The following SLC7A1 variants were observed in gnomAD, a reference collection of about 807,000 sequenced individuals.
SLC7A1 encodes solute carrier family 7 member 1.
A neutral mutation model predicts 53.9 loss-of-function variants in SLC7A1; 10 were observed. That is an observed-to-expected ratio of 0.19 (90% CI 0.11 to 0.31). The LOEUF (loss-of-function observed/expected upper bound fraction) is 0.31, where lower values mean the gene tolerates loss of function less well. SLC7A1 is among the 10% of genes least tolerant of loss of function. The pLI is 1.00. For synonymous variants in SLC7A1, 342 were observed against 338.7 expected, an observed-to-expected ratio of 1.01 and a Z score of -0.11; for missense variants, 525 against 827.2, an observed-to-expected ratio of 0.63 and a Z score of 4.48.
rs894320699 is a variant in SLC7A1 at position 29,511,132 on chromosome 13, C to G, written c.*3348G>C. 3.3e-5 allele frequency: 5 copies of G among 152,332 alleles called. No individual in the cohort carries two copies. The highest frequency in any genetic ancestry group is 2.6e-4 in the Admixed American group (4 of 15,292). The allele number at this position is 152,332 out of a possible 1,614,324, so 9.4% of individuals were successfully genotyped here. On this transcript the variant is annotated 3_prime_UTR_variant, in exon 13 of 13. Transcript: ENST00000380752. ...GTGAGCGGGCCATGCACCCTTCCAG[C>G]TGTGCACAGGGATGTGCTGAAGGTG...
At chr13:29,550,440 G>A (rs1344102252) in intron 2 of SLC7A1, among the ~76,000 whole-genome samples, 1 of 152,258 alleles carries the variant, frequency 6.6e-6, no homozygotes, top group Admixed American at 6.5e-5. Context: ...AAGGATTAAG[G>A]AAAGGTGACC....
intron 1 of SLC7A1, among the ~76,000 whole-genome samples, chr13:29,588,915 C>CG (rs1871995822): frequency 6.6e-5 from 10 of 152,350 alleles, no homozygotes; most frequent in African/African-American, 2.4e-4. Context: ...ACTCTAACTG[C>CG]CAGTCTTTCC....
At chr13:29,589,060 AC>A (rs1313106973) in intron 1 of SLC7A1, among the ~76,000 whole-genome samples, 1 of 152,154 alleles carries the variant, frequency 6.6e-6, no homozygotes, top group Non-Finnish European at 1.5e-5. Context: ...CTCCCAAGTC[AC>A]TTTGGGGAAG....
At position 29,553,460 on chromosome 13, in the gene SLC7A1, G is replaced by A. The variant is rs1357185257; in HGVS notation, c.-15+301C>T. Among the ~76,000 whole-genome samples the A allele has an allele frequency of 3.3e-5, 5 of 152,084 alleles. No homozygotes were observed. In the East Asian group the frequency reaches 5.9e-4, roughly 18 times the overall value. On this transcript the variant is annotated intron_variant, in intron 2 of 12. Transcript: ENST00000380752. ...ACCCTGGTGACCAGGCCTCAGGGAC[G>A]GAAGGCCTGGCCAGCCGTAGGATAT...
At chr13:29,525,626 T>G (rs556019372) in intron 5 of SLC7A1, among the ~76,000 whole-genome samples, 1 of 152,288 alleles carries the variant, frequency 6.6e-6, no homozygotes, top group East Asian at 1.9e-4. Context: ...TCATCACAGC[T>G]CTCAGTTACA....
chr13:29,566,386 C>G (rs1303172325), intron 1 of SLC7A1, among the ~76,000 whole-genome samples: 1 of 152,188 alleles, frequency 6.6e-6, no homozygotes, highest in Non-Finnish European at 1.5e-5. Context: ...CGTCCATCGA[C>G]TGCTGAATGG....
At position 29,589,839 on chromosome 13, in the gene SLC7A1, T is replaced by C. The variant is rs189750987; in HGVS notation, c.-115+5577A>G. ...CACTCTGCCACTGACTGCCTACCTGTGTGCCCGTGGGCCACCTGCCTTCCC... is the reference window on the plus strand; with the variant it reads ...CACTCTGCCACTGACTGCCTACCTGCGTGCCCGTGGGCCACCTGCCTTCCC... On this transcript the variant is annotated intron_variant, in intron 1 of 12. Transcript: ENST00000380752. 1.3e-4 allele frequency among the ~76,000 whole-genome samples: 20 copies of C among 152,296 alleles called. No individual in the cohort carries two copies. The East Asian group carries it at 3.9e-3, about 29-fold the overall frequency.
chr13:29,528,098 G>A (rs1479943345), intron 5 of SLC7A1, among the ~76,000 whole-genome samples: 2 of 152,352 alleles, frequency 1.3e-5, no homozygotes, highest in South Asian at 4.1e-4. Flanking sequence ...TGGAGAAGCC[G>A]CCTTCAGCCC....
Position 29,517,261 on chromosome 13 carries a change from A to G in SLC7A1, c.1560T>C (p.Ala520=). The G allele has an allele frequency of 1.9e-6, 3 of 1,613,452 alleles. No homozygotes were observed. Among genetic ancestry groups the G allele is most frequent in the Non-Finnish European group, 2.5e-6 (3 of 1,179,776 alleles). ...FCIVTVLGRE[A]LTKGALWAVF... ...CTGCCCACAGCGCCCCTTTGGTGAGAGCCTCCCTTCCAAGCACGGTCACAA... is the reference window on the plus strand; with the variant it reads ...CTGCCCACAGCGCCCCTTTGGTGAGGGCCTCCCTTCCAAGCACGGTCACAA... Residue 520 remains alanine, a synonymous_variant, in exon 11 of 13, where the codon GCT becomes GCC. Transcript: ENST00000380752.
At chr13:29,521,417 T>C (rs1245777384) in intron 8 of SLC7A1, among the ~76,000 whole-genome samples, 1 of 152,202 alleles carries the variant, frequency 6.6e-6, no homozygotes, top group African/African-American at 2.4e-5. Flanking sequence ...CTGCTCAGAC[T>C]CTGGAAGGAG....
chr13:29,535,715 T>G (rs370494916), intron 3 of SLC7A1, 104 bp downstream of exon 3: 22 of 1,130,950 alleles, frequency 1.9e-5, no homozygotes, highest in East Asian at 4.7e-5. Context: ...GTGCCTCTCG[T>G]GTTAACAAGA....
At position 29,530,556 on chromosome 13, in the gene SLC7A1, C is replaced by A; in HGVS notation, c.686G>T (p.Gly229Val). The change falls in exon 5 of 13, where the codon GGC (glycine) becomes GTC (valine). Residue 229 changes from glycine (G) to valine (V), a missense_variant. Transcript: ENST00000380752. ...AACTCACTTGTTCAAACAGAGACGG[C>A]CTGATGTGTTCCCAAAATCCTCCTC... ...LTEEDFGNTS[G>V]RLCLNNDTKE... The A allele has an allele frequency of 6.2e-7, 1 of 1,614,070 alleles. No individual in the cohort carries two copies. The highest frequency in any genetic ancestry group is 1.1e-5 in the South Asian group (1 of 91,068).
intron 1 of SLC7A1, among the ~76,000 whole-genome samples, chr13:29,561,738 A>G (rs1420969622): frequency 1.3e-5 from 2 of 152,186 alleles, no homozygotes; most frequent in Non-Finnish European, 2.9e-5. Context: ...GGCATCACCG[A>G]AGAATCCAGA....
intron 2 of SLC7A1, among the ~76,000 whole-genome samples, chr13:29,537,489 G>A (rs1171177116): frequency 3.3e-5 from 5 of 152,180 alleles, no homozygotes; most frequent in African/African-American, 1.2e-4. Context: ...GATCCTATAT[G>A]GGATCCTGGG....
intron 4 of SLC7A1, 37 bp downstream of exon 4, chr13:29,532,787 C>T (rs950995796): frequency 2.5e-5 from 39 of 1,556,496 alleles, no homozygotes; most frequent in African/African-American, 4.1e-5. Flanking sequence ...CTTTGCCCAT[C>T]ACTCTGACCC....
At chr13:29,533,034 G>T in intron 3 of SLC7A1, 52 bp from the exon 4 acceptor site, 1 of 1,532,682 alleles carries the variant, frequency 6.5e-7, no homozygotes, top group Non-Finnish European at 8.8e-7. Context: ...TGTTAGCCAG[G>T]TATTTGTAGT....
Position 29,570,835 on chromosome 13 carries a change from G to A in SLC7A1, c.-114-16975C>T, listed in dbSNP as rs909876485. Among the ~76,000 whole-genome samples the A allele has an allele frequency of 2.0e-5, 3 of 148,244 alleles. No individual in the cohort carries two copies. The East Asian group carries it at 5.8e-4, about 29-fold the overall frequency. ...ATCATGCCACTGCACTTGGGTCTGGGCAACAAAGAGAGACTTTGTCTCAAA... is the reference window on the plus strand; with the variant it reads ...ATCATGCCACTGCACTTGGGTCTGGACAACAAAGAGAGACTTTGTCTCAAA... On this transcript the variant is annotated intron_variant, in intron 1 of 12. Coordinates refer to ENST00000380752, the MANE Select transcript of SLC7A1 (RefSeq NM_003045.5).
chr13:29,589,302 G>A (rs906812685), intron 1 of SLC7A1, among the ~76,000 whole-genome samples: 7 of 152,248 alleles, frequency 4.6e-5, no homozygotes, highest in South Asian at 2.1e-4. Context: ...AAGACCCCCT[G>A]CAAAGGGGTC....
At chr13:29,530,400 A>G (rs887675817) in intron 5 of SLC7A1, 138 bp downstream of exon 5, 13 of 845,764 alleles carry the variant, frequency 1.5e-5, no homozygotes, top group Non-Finnish European at 2.1e-5. Context: ...ACTTCACTGC[A>G]AAAACACAAA....
Sources: allele counts gnomAD v4.1 joint callset (sites outside exome capture counted in the v4.1 genomes callset), GRCh38; gene constraint gnomAD v4.1.1; transcripts MANE v1.5; gene names NCBI Gene and HGNC (gene_info 2026-07-23, HGNC 2026-07-21).